Variants in KCNN2 observed in about 807,000 individuals in gnomAD.
KCNN2 encodes the protein small conductance calcium-activated potassium channel protein 2.
In KCNN2, 24 loss-of-function variants were observed where a neutral mutation model predicts 55.5. The ratio of observed to expected loss-of-function variants is 0.43; its 90% confidence interval spans 0.31 to 0.61. The LOEUF (loss-of-function observed/expected upper bound fraction) is 0.61, where lower values mean the gene tolerates loss of function less well. KCNN2 is among the 20% of genes least tolerant of loss of function. KCNN2 has a pLI of 0.08. For missense variants in KCNN2, 754 were observed against 853.6 expected, an observed-to-expected ratio of 0.88 and a Z score of 1.45; for synonymous variants, 431 against 336.1, an observed-to-expected ratio of 1.28 and a Z score of -3.09.
At chr5:114,303,854 A>G (rs1259313720) in intron 2 of KCNN2, among the ~76,000 whole-genome samples, 1 of 152,168 alleles carries the variant, frequency 6.6e-6, no homozygotes, top group Non-Finnish European at 1.5e-5. Context: ...GTTATTATAG[A>G]GTAGATTCAG....
At chr5:114,467,565 C>G (rs1339451417) in intron 4 of KCNN2, among the ~76,000 whole-genome samples, 3 of 152,056 alleles carry the variant, frequency 2.0e-5, no homozygotes, top group Non-Finnish European at 4.4e-5. Context: ...TAAGTTCTTA[C>G]ATACAATAGT....
chr5:114,184,733 C>G (rs1036521041), intron 1 of KCNN2, among the ~76,000 whole-genome samples: 1 of 152,140 alleles, frequency 6.6e-6, no homozygotes, highest in Non-Finnish European at 1.5e-5. Flanking sequence ...TACCACTCTC[C>G]TGCCACAATG....
intron 2 of KCNN2, among the ~76,000 whole-genome samples, chr5:114,397,979 G>C (rs1381019337): frequency 6.6e-6 from 1 of 152,094 alleles, no homozygotes; most frequent in African/African-American, 2.4e-5. Flanking sequence ...TTTATAGGTT[G>C]TCTGTTTACT....
At chr5:114,290,768 G>A (rs964256213) in intron 2 of KCNN2, among the ~76,000 whole-genome samples, 83 of 151,974 alleles carry the variant, frequency 5.5e-4, no homozygotes, top group African/African-American at 1.9e-3. Context: ...TATTCCCTAA[G>A]TTTCTTTAAT....
intron 2 of KCNN2, among the ~76,000 whole-genome samples, chr5:114,380,461 G>T: frequency 6.6e-6 from 1 of 152,276 alleles, no homozygotes; most frequent in South Asian, 2.1e-4. Context: ...GAAAGGGATC[G>T]TGATTCAATT....
At chr5:114,294,361 T>A (rs1288853556) in intron 2 of KCNN2, among the ~76,000 whole-genome samples, 3 of 152,136 alleles carry the variant, frequency 2.0e-5, no homozygotes, top group African/African-American at 7.2e-5. Flanking sequence ...CACACTGCTT[T>A]GAATGTGTCC....
exon 1 of KCNN2, chr5:114,056,197 T>C: frequency 2.5e-6 from 1 of 394,478 alleles, no homozygotes; most frequent in Admixed American, 4.4e-5. Context: ...AGCGGGGGCC[T>C]GGCTCGCCCG....
chr5:114,096,358 C>T (rs1367915501), intron 1 of KCNN2, among the ~76,000 whole-genome samples: 3 of 152,104 alleles, frequency 2.0e-5, no homozygotes, highest in Non-Finnish European at 4.4e-5. Context: ...TAACTTTGAC[C>T]ATGCTACACT....
intron 1 of KCNN2, among the ~76,000 whole-genome samples, chr5:114,161,900 C>A (rs143501408): frequency 6.6e-6 from 1 of 152,140 alleles, no homozygotes; most frequent in African/African-American, 2.4e-5. Flanking sequence ...GTTAGCCATT[C>A]GTCTAGTTTT....
At chr5:114,312,434 C>CATATATATATATATATATATATAT in intron 2 of KCNN2, among the ~76,000 whole-genome samples, 1 of 23,430 alleles carries the variant, frequency 4.3e-5, no homozygotes, top group African/African-American at 1.5e-4. Context: ...CACACACACA[C>CATATATATATATATATATATATAT]ATATATATAT....
At chr5:114,355,273 C>G (rs1047116940) in intron 2 of KCNN2, among the ~76,000 whole-genome samples, 1 of 152,090 alleles carries the variant, frequency 6.6e-6, no homozygotes, top group African/African-American at 2.4e-5. Flanking sequence ...ATGAATAACA[C>G]ACGGAAAGAG....
chr5:114,136,576 A>G (rs1048574831), intron 1 of KCNN2, among the ~76,000 whole-genome samples: 3 of 152,348 alleles, frequency 2.0e-5, no homozygotes, highest in African/African-American at 7.2e-5. Context: ...GAGGATCTAT[A>G]AGAAACTAAT....
At chr5:114,178,626 T>G (rs907348520) in intron 1 of KCNN2, among the ~76,000 whole-genome samples, 1 of 152,230 alleles carries the variant, frequency 6.6e-6, no homozygotes, top group African/African-American at 2.4e-5. Flanking sequence ...TTTAGCCTTT[T>G]AGTGGGGCTC....
chr5:114,139,894 A>G lies in KCNN2; in HGVS notation c.-270-81586A>G, dbSNP rs114496130. 3.2e-3 allele frequency among the ~76,000 whole-genome samples: 480 copies of G among 152,072 alleles called. 2 individuals carry two copies. The highest frequency in any genetic ancestry group is 0.011 in the African/African-American group (471 of 41,546). On this transcript the variant is annotated intron_variant, in intron 1 of 10. Coordinates refer to the KCNN2 transcript ENST00000512097. ...CTTTCCATCTGCATACCTGGGTAAG[A>G]CTGAATTTTTTTTTCATAGACTTCA...
At chr5:114,390,562 C>T (rs1390387838) in intron 2 of KCNN2, among the ~76,000 whole-genome samples, 2 of 152,092 alleles carry the variant, frequency 1.3e-5, no homozygotes, top group African/African-American at 2.4e-5. Context: ...CCTTGTAGTC[C>T]TATGACCAGG....
chr5:114,365,332 T>TA (rs761565674), intron 2 of KCNN2, among the ~76,000 whole-genome samples: 1 of 152,254 alleles, frequency 6.6e-6, no homozygotes, highest in Non-Finnish European at 1.5e-5. Context: ...TTTAAAGTTT[T>TA]AACAGTTTAC....
At chr5:114,387,365 G>C (rs1366163895) in intron 2 of KCNN2, among the ~76,000 whole-genome samples, 1 of 152,138 alleles carries the variant, frequency 6.6e-6, no homozygotes, top group Non-Finnish European at 1.5e-5. Context: ...CCATTACATG[G>C]TAAACTAGAA....
At chr5:114,125,147 A>G (rs1395142541) in intron 1 of KCNN2, among the ~76,000 whole-genome samples, 1 of 152,108 alleles carries the variant, frequency 6.6e-6, no homozygotes. Flanking sequence ...TTATAATAGA[A>G]TATGTTAAAC....
At chr5:114,340,146 G>T (rs1312828704) in intron 2 of KCNN2, among the ~76,000 whole-genome samples, 1 of 151,966 alleles carries the variant, frequency 6.6e-6, no homozygotes, top group Non-Finnish European at 1.5e-5. Flanking sequence ...TTGCCAAAAA[G>T]ATTAAAAATT....
Sources: gnomAD v4.1 joint callset for allele counts (sites outside exome capture counted in the v4.1 genomes callset) on GRCh38, gnomAD v4.1.1 for gene constraint, MANE v1.5 for transcripts, NCBI Gene and HGNC (gene_info 2026-07-23, HGNC 2026-07-21) for gene names.